The following FHIT variants were observed in gnomAD, a reference collection of about 807,000 sequenced individuals.
FHIT encodes fragile histidine triad diadenosine triphosphatase.
A neutral mutation model predicts 17.9 loss-of-function variants in FHIT; 19 were observed. The ratio of observed to expected loss-of-function variants is 1.06; its 90% confidence interval spans 0.74 to 1.56. The LOEUF is 1.56. Ranked by LOEUF, FHIT falls within the 40% of genes most tolerant of loss-of-function variation. FHIT has a pLI of 0.00. For synonymous variants in FHIT, 81 were observed against 69.7 expected, an observed-to-expected ratio of 1.16 and a Z score of -0.81; for missense variants, 248 against 189.2, an observed-to-expected ratio of 1.31 and a Z score of -1.82.
At chr3:60,057,705 A>G (rs1032563001) in intron 5 of FHIT, among the ~76,000 whole-genome samples, 4 of 152,102 alleles carry the variant, frequency 2.6e-5, no homozygotes, top group Non-Finnish European at 5.9e-5. Context: ...AAAAAAAAAA[A>G]AAGTATTGGC....
At chr3:60,954,409 T>C (rs1709024672) in intron 3 of FHIT, among the ~76,000 whole-genome samples, 1 of 152,290 alleles carries the variant, frequency 6.6e-6, no homozygotes. Flanking sequence ...ATCTTAAAAA[T>C]AATGTTTAAT....
chr3:60,344,058 G>A (rs1239193018), intron 5 of FHIT, among the ~76,000 whole-genome samples: 2 of 152,138 alleles, frequency 1.3e-5, no homozygotes, highest in East Asian at 1.9e-4. Context: ...TGGAACAGAC[G>A]GGGATCTGTT....
intron 5 of FHIT, among the ~76,000 whole-genome samples, chr3:60,335,948 AAC>A (rs1710217606): frequency 6.6e-6 from 1 of 152,228 alleles, no homozygotes; most frequent in Non-Finnish European, 1.5e-5. Flanking sequence ...TGCATATGTT[AAC>A]ACAGAACATA....
At chr3:61,121,505 G>A (rs957070072) in intron 2 of FHIT, among the ~76,000 whole-genome samples, 1 of 152,104 alleles carries the variant, frequency 6.6e-6, no homozygotes, top group African/African-American at 2.4e-5. Flanking sequence ...ATAAGCACAG[G>A]AGAAATAAAA....
chr3:60,746,522 A>G (rs2042359930), intron 4 of FHIT, among the ~76,000 whole-genome samples: 1 of 152,142 alleles, frequency 6.6e-6, no homozygotes, highest in South Asian at 2.1e-4. Flanking sequence ...ATTAACCTAC[A>G]GTCACCTGAG....
intron 4 of FHIT, among the ~76,000 whole-genome samples, chr3:60,820,687 G>A (rs375661128): frequency 6.6e-6 from 1 of 152,314 alleles, no homozygotes; most frequent in African/African-American, 2.4e-5. Context: ...GGCTGACATT[G>A]TAAAGTGGAT....
intron 8 of FHIT, among the ~76,000 whole-genome samples, chr3:59,793,243 G>A (rs542321154): frequency 6.6e-5 from 10 of 152,222 alleles, no homozygotes; most frequent in Admixed American, 5.9e-4. Flanking sequence ...TACTATTAAT[G>A]ACTACCTATT....
At chr3:60,038,246 T>C (rs1419202473) in intron 5 of FHIT, among the ~76,000 whole-genome samples, 1 of 152,234 alleles carries the variant, frequency 6.6e-6, no homozygotes, top group Non-Finnish European at 1.5e-5. Flanking sequence ...CTATAGTTAT[T>C]GATCTGAATC....
chr3:61,181,740 G>A (rs951954723), intron 2 of FHIT, among the ~76,000 whole-genome samples: 2 of 152,100 alleles, frequency 1.3e-5, no homozygotes, highest in Admixed American at 6.5e-5. Flanking sequence ...GCAGTAACAT[G>A]TCTCTTTCCT....
At chr3:60,897,148 C>T (rs1161514588) in intron 3 of FHIT, among the ~76,000 whole-genome samples, 1 of 152,200 alleles carries the variant, frequency 6.6e-6, no homozygotes. Flanking sequence ...TCCTATTTTA[C>T]AGCACACTAC....
chr3:60,179,935 C>A (rs763271052), intron 5 of FHIT, among the ~76,000 whole-genome samples: 1 of 152,198 alleles, frequency 6.6e-6, no homozygotes, highest in African/African-American at 2.4e-5. Flanking sequence ...AAGATGGAAT[C>A]TGAATGACAA....
At chr3:59,872,651 AAG>A (rs1333396558) in intron 8 of FHIT, among the ~76,000 whole-genome samples, 2 of 152,208 alleles carry the variant, frequency 1.3e-5, no homozygotes, top group Admixed American at 1.3e-4. Context: ...AAGAACTCTG[AAG>A]AGTTATGGAT....
intron 4 of FHIT, among the ~76,000 whole-genome samples, chr3:60,698,625 G>C (rs1292573556): frequency 6.6e-6 from 1 of 152,028 alleles, no homozygotes; most frequent in Non-Finnish European, 1.5e-5. Context: ...TCTCTCAATA[G>C]GCCTACATTA....
intron 4 of FHIT, among the ~76,000 whole-genome samples, chr3:60,704,781 C>T (rs539244480): frequency 6.6e-6 from 1 of 152,148 alleles, no homozygotes; most frequent in Non-Finnish European, 1.5e-5. Flanking sequence ...ATCATTATAG[C>T]TGCTTCCTAA....
At chr3:60,370,779 G>T (rs542105756) in intron 5 of FHIT, among the ~76,000 whole-genome samples, 1 of 152,052 alleles carries the variant, frequency 6.6e-6, no homozygotes, top group East Asian at 1.9e-4. Context: ...CCTTCAAACT[G>T]GTCTCTTCCC....
chr3:59,982,641 C>A (rs1708704628), intron 7 of FHIT, among the ~76,000 whole-genome samples: 2 of 152,182 alleles, frequency 1.3e-5, no homozygotes, highest in African/African-American at 4.8e-5. Context: ...ATATGCCGTA[C>A]TTGCAGAAAG....
chr3:60,443,549 G>T (rs2031084543), intron 5 of FHIT, among the ~76,000 whole-genome samples: 1 of 152,056 alleles, frequency 6.6e-6, no homozygotes, highest in Non-Finnish European at 1.5e-5. Context: ...TTTTGTCTTT[G>T]GTTCTCTTCA....
chr3:60,038,689 C>G (rs192099794), intron 5 of FHIT, among the ~76,000 whole-genome samples: 2 of 98,404 alleles, frequency 2.0e-5, no homozygotes, highest in African/African-American at 8.6e-5. Flanking sequence ...GAAAAAGTTG[C>G]TCGCTACTGA....
intron 5 of FHIT, among the ~76,000 whole-genome samples, chr3:60,220,334 A>G (rs1199076997): frequency 4.6e-5 from 7 of 152,066 alleles, no homozygotes; most frequent in Admixed American, 4.6e-4. Flanking sequence ...ACTCATTTTC[A>G]AGGCCTGCCT....
Sources: allele counts gnomAD v4.1 joint callset (sites outside exome capture counted in the v4.1 genomes callset), GRCh38; gene constraint gnomAD v4.1.1; transcripts MANE v1.5; gene names NCBI Gene and HGNC (gene_info 2026-07-23, HGNC 2026-07-21).